C5: variants seen among roughly 807,000 people sequenced by gnomAD.
C5 encodes complement C5, also known as C3 and PZP-like alpha-2-macroglobulin domain-containing protein 4.
In C5, 140 loss-of-function variants were observed where a neutral mutation model predicts 218.8. That is an observed-to-expected ratio of 0.64 (90% confidence interval 0.56 to 0.74). The LOEUF is 0.74. C5 is among the 30% of genes least tolerant of loss of function. The pLI is 0.00. For missense variants in C5, 1,700 were observed against 1,969.6 expected, an observed-to-expected ratio of 0.86 and a Z score of 2.59; for synonymous variants, 614 against 682.3, an observed-to-expected ratio of 0.90 and a Z score of 1.56.
At position 120,962,894 on chromosome 9, in the gene C5, G is replaced by A. The variant is rs965313093; in HGVS notation, c.4397C>T (p.Ser1466Leu). 13 of 1,613,608 alleles carry A rather than the reference G, an allele frequency of 8.1e-6. No individual in the cohort carries two copies. The highest frequency in any genetic ancestry group is 6.7e-5 in the African/African-American group (5 of 74,920). The change falls in exon 35 of 41, where the codon TCG becomes TTG. Residue 1466 changes from serine to leucine, a missense_variant and splice_region_variant. Ser to Leu is a moderately radical substitution (Grantham distance 145). Transcript: ENST00000223642. Reference protein sequence around the residue: ...KDGHVILQLNSIPSSDFLCVR... With the variant: ...KDGHVILQLNLIPSSDFLCVR... ...AAAATGGTTGCAGGTGGAGCTTACC[G>A]AATTCAGTTGCAGAATAACATGTCC...
intron 28 of C5, among the ~76,000 whole-genome samples, chr9:120,978,458 TC>T (rs1415439074): frequency 2.0e-5 from 3 of 152,214 alleles, no homozygotes; most frequent in African/African-American, 7.2e-5. Context: ...ATTATTAAGT[TC>T]CCTTCTAGAT....
chr9:121,005,762 C>T (rs2047210656), intron 20 of C5, among the ~76,000 whole-genome samples, 157 bp downstream of exon 20: 1 of 152,190 alleles, frequency 6.6e-6, no homozygotes, highest in Non-Finnish European at 1.5e-5. Flanking sequence ...TAATTCACAT[C>T]CCTACACATA....
At chr9:121,072,158 C>A in the C5 span, among the ~76,000 whole-genome samples, 9 of 152,240 alleles carry the variant, frequency 5.9e-5, no homozygotes, top group South Asian at 1.0e-3. Flanking sequence ...GAAAAGGGGG[C>A]AACATGGGAC....
upstream of C5, among the ~76,000 whole-genome samples, chr9:121,054,680 CAGAT>C (rs752459043): frequency 1.6e-4 from 25 of 152,292 alleles, no homozygotes; most frequent in South Asian, 6.2e-4. Context: ...CATCACATGA[CAGAT>C]AGCAGACCCT....
chr9:121,074,864 G>A, the C5 span: 1 of 456,298 alleles, frequency 2.2e-6, no homozygotes, highest in Admixed American at 2.3e-5. Flanking sequence ...AAAAGAGGCG[G>A]GAAACGCCTC....
chr9:121,036,951 T>G (rs2047531376), intron 4 of C5, among the ~76,000 whole-genome samples: 1 of 152,134 alleles, frequency 6.6e-6, no homozygotes, highest in African/African-American at 2.4e-5. Flanking sequence ...ATACCTACTG[T>G]TAATAACTGA....
intron 25 of C5, among the ~76,000 whole-genome samples, chr9:120,988,229 A>C (rs1157973552): frequency 2.0e-5 from 3 of 152,224 alleles, no homozygotes; most frequent in African/African-American, 7.2e-5. Flanking sequence ...GGTAGGTACC[A>C]GGCACTAGGG....
rs144377273 is a variant in C5, at chr9:121,020,125, G to C, written c.1357C>G (p.Arg453Gly). The change falls in exon 12 of 41, where the codon CGA becomes GGA. Residue 453 changes from arginine (R) to glycine (G), a missense_variant. Coordinates refer to ENST00000223642, the MANE Select transcript of C5 (RefSeq NM_001735.3). ...PEENQAREGY[R>G]AIAYSSLSQS... ...CTGAGAGATGAGTATGCTATTGCTCGGTAACCTTCCCTGGCCTGATTTTCT... is the reference window on the plus strand; with the variant it reads ...CTGAGAGATGAGTATGCTATTGCTCCGTAACCTTCCCTGGCCTGATTTTCT... 6.2e-7 allele frequency: 1 copy of C among 1,613,796 alleles called. No homozygotes were observed. The highest frequency in any genetic ancestry group is 1.3e-5 in the African/African-American group (1 of 74,874).
At chr9:121,032,592 A>C (rs576317161) in intron 5 of C5, among the ~76,000 whole-genome samples, 1 of 152,382 alleles carries the variant, frequency 6.6e-6, no homozygotes, top group African/African-American at 2.4e-5. Context: ...ATACAAGACA[A>C]GCTTATACAG....
chr9:121,032,879 T>C (rs1273833080), intron 5 of C5, among the ~76,000 whole-genome samples: 1 of 152,084 alleles, frequency 6.6e-6, no homozygotes, highest in East Asian at 1.9e-4. Context: ...TGCATGCTTG[T>C]AGTCCCAGCT....
rs946515957 is a variant in C5, at chr9:120,999,841, T to C, written c.2563-2067A>G. ...TTATTTTGATATGATGGAAATGCACTGAAAATTTAAAGATTAAATAAAATA... is the reference window on the plus strand; with the variant it reads ...TTATTTTGATATGATGGAAATGCACCGAAAATTTAAAGATTAAATAAAATA... On this transcript the variant is annotated intron_variant, in intron 20 of 40. Transcript: ENST00000223642. The C allele has an allele frequency of 7.6e-4, 329 of 431,030 alleles. 3 individuals are homozygous for C. Among genetic ancestry groups the C allele is most frequent in the Non-Finnish European group, 1.7e-4 (37 of 217,040 alleles). The allele number at this position is 431,030 out of a possible 1,614,324, so 26.7% of individuals were successfully genotyped here.
At chr9:121,058,426 G>GTA in the C5 span, among the ~76,000 whole-genome samples, 1 of 152,022 alleles carries the variant, frequency 6.6e-6, no homozygotes. Flanking sequence ...ATATATGTGT[G>GTA]TATATATATG....
chr9:120,988,948 T>C (rs2047054665), intron 25 of C5, 98 bp downstream of exon 25: 10 of 887,616 alleles, frequency 1.1e-5, no homozygotes, highest in Non-Finnish European at 1.9e-5. Flanking sequence ...ACGAGGCTTT[T>C]AGCCTGAGCA....
the C5 span, among the ~76,000 whole-genome samples, chr9:121,065,222 A>G: frequency 6.6e-6 from 1 of 152,224 alleles, no homozygotes. Context: ...CAAAGAGGAC[A>G]AAAAGATTCT....
At chr9:121,011,134 T>C (rs758370984) in intron 17 of C5, among the ~76,000 whole-genome samples, 2 of 152,114 alleles carry the variant, frequency 1.3e-5, no homozygotes, top group Non-Finnish European at 2.9e-5. Flanking sequence ...ACAAATGGGA[T>C]CACATCAAGT....
chr9:121,053,276 C>T (rs1230138802), upstream of C5, among the ~76,000 whole-genome samples: 1 of 152,220 alleles, frequency 6.6e-6, no homozygotes, highest in African/African-American at 2.4e-5. Context: ...GTATTTGTCC[C>T]TCTGACTGCT....
chr9:121,033,015 T>G (rs563515844), intron 5 of C5, among the ~76,000 whole-genome samples: 58 of 141,274 alleles, frequency 4.1e-4, no homozygotes, highest in South Asian at 1.1e-3. Context: ...AAACTATGGG[T>G]GTGTGTGTGT....
At chr9:120,999,380 C>A (rs2047142050) in intron 20 of C5, among the ~76,000 whole-genome samples, 1 of 152,090 alleles carries the variant, frequency 6.6e-6, no homozygotes, top group Non-Finnish European at 1.5e-5. Context: ...CCCATTGGTG[C>A]CTTGGAGTGG....
chr9:121,005,817 G>A, intron 20 of C5, 102 bp downstream of exon 20: 2 of 1,159,114 alleles, frequency 1.7e-6, no homozygotes, highest in East Asian at 4.7e-5. Context: ...TTGCTGAACT[G>A]AGTTGAACTT....
Sources: gnomAD v4.1 joint callset for allele counts (sites outside exome capture counted in the v4.1 genomes callset) on GRCh38, gnomAD v4.1.1 for gene constraint, MANE v1.5 for transcripts, NCBI Gene and HGNC (gene_info 2026-07-23, HGNC 2026-07-21) for gene names.